Variants in CDH18 observed in about 807,000 individuals in gnomAD.
CDH18 encodes cadherin-18.
Under a neutral mutation model 67.9 loss-of-function variants are expected in CDH18, and 31 were observed. That is an observed-to-expected ratio of 0.46 (90% CI 0.34 to 0.62). The LOEUF (loss-of-function observed/expected upper bound fraction) is 0.62. Ranked by LOEUF, CDH18 falls within the 20% of genes least tolerant of loss-of-function variation. The pLI, the probability that CDH18 is intolerant of heterozygous loss-of-function variation, is 0.01. For synonymous variants in CDH18, 362 were observed against 347.2 expected (o/e 1.04, Z -0.48); for missense variants, 890 against 975.5 (o/e 0.91, Z 1.17).
intron 2 of CDH18, among the ~76,000 whole-genome samples, chr5:20,075,501 C>CAAAA (rs1743848390): frequency 6.7e-6 from 1 of 148,424 alleles, no homozygotes; most frequent in East Asian, 2.0e-4. Flanking sequence ...GACTCTGCCT[C>CAAAA]AAAACAAACA....
At chr5:20,021,219 T>C (rs956058720) in intron 2 of CDH18, among the ~76,000 whole-genome samples, 1 of 152,144 alleles carries the variant, frequency 6.6e-6, no homozygotes, top group African/African-American at 2.4e-5. Flanking sequence ...AAGTAACAAA[T>C]TTATTTTTAA....
chr5:20,163,215 A>C (rs1736031770), intron 2 of CDH18, among the ~76,000 whole-genome samples: 1 of 152,084 alleles, frequency 6.6e-6, no homozygotes. Flanking sequence ...TATTTCTATA[A>C]GCAACTCAAA....
At chr5:20,408,801 T>C (rs1258575150) in intron 1 of CDH18, among the ~76,000 whole-genome samples, 1 of 151,646 alleles carries the variant, frequency 6.6e-6, no homozygotes. Context: ...AACAGACCAA[T>C]AAATAACAAT....
At chr5:20,439,576 G>A (rs1749449467) in intron 1 of CDH18, among the ~76,000 whole-genome samples, 1 of 151,594 alleles carries the variant, frequency 6.6e-6, no homozygotes, top group South Asian at 2.1e-4. Context: ...TCATTAAATT[G>A]ATTTTATAAC....
At chr5:20,202,592 G>A (rs904735156) in intron 2 of CDH18, among the ~76,000 whole-genome samples, 21 of 152,024 alleles carry the variant, frequency 1.4e-4, no homozygotes, top group Admixed American at 1.2e-3. Context: ...GAAATAACAT[G>A]TTGCCCAAAT....
At chr5:20,444,113 T>C (rs1049281184) in intron 1 of CDH18, among the ~76,000 whole-genome samples, 2 of 151,974 alleles carry the variant, frequency 1.3e-5, no homozygotes, top group Admixed American at 1.3e-4. Flanking sequence ...CTAGGACTTA[T>C]AAAAGGGAAA....
intron 1 of CDH18, among the ~76,000 whole-genome samples, chr5:20,456,667 A>T (rs1750854485): frequency 6.6e-6 from 1 of 151,800 alleles, no homozygotes. Flanking sequence ...TATTTGAGAA[A>T]CTGGAAACAT....
intron 3 of CDH18, among the ~76,000 whole-genome samples, chr5:19,826,100 C>A (rs1483966361): frequency 6.7e-6 from 1 of 149,826 alleles, no homozygotes. Flanking sequence ...CAAGTATTAA[C>A]AGCAAAATTG....
At chr5:19,593,716 T>C (rs796791803) in intron 6 of CDH18, among the ~76,000 whole-genome samples, 163 of 15,804 alleles carry the variant, frequency 0.01, 5 homozygotes, top group East Asian at 0.1. Context: ...TCCTTCTTCT[T>C]CTTCTTCTTC....
chr5:20,295,619 C>T (rs183598144), intron 1 of CDH18, among the ~76,000 whole-genome samples: 5 of 151,532 alleles, frequency 3.3e-5, no homozygotes, highest in East Asian at 2.0e-4. Flanking sequence ...CCCGGCTACT[C>T]GGGAGGCTAA....
chr5:20,523,899 A>G (rs1467854488), intron 1 of CDH18, among the ~76,000 whole-genome samples: 1 of 152,162 alleles, frequency 6.6e-6, no homozygotes, highest in Non-Finnish European at 1.5e-5. Flanking sequence ...GCATTTGTAC[A>G]TGAGAAAGAG....
chr5:20,124,421 A>G (rs1435972), intron 2 of CDH18, among the ~76,000 whole-genome samples: 44,194 of 152,094 alleles, frequency 0.29, 7,727 homozygotes, highest in Admixed American at 0.38. Flanking sequence ...ACTCAGTTAC[A>G]TCTAATACAA....
At chr5:19,598,096 T>A (rs1045551200) in intron 6 of CDH18, among the ~76,000 whole-genome samples, 19 of 152,152 alleles carry the variant, frequency 1.2e-4, no homozygotes, top group African/African-American at 4.6e-4. Context: ...GCTACAGCTA[T>A]AAAAAAGGCC....
At chr5:19,772,554 G>T (rs964807332) in intron 3 of CDH18, among the ~76,000 whole-genome samples, 1 of 152,136 alleles carries the variant, frequency 6.6e-6, no homozygotes, top group Non-Finnish European at 1.5e-5. Flanking sequence ...AAGCAGCCCT[G>T]TCCACACCTT....
intron 4 of CDH18, among the ~76,000 whole-genome samples, chr5:19,730,900 T>G (rs1767506826): frequency 6.6e-6 from 1 of 152,210 alleles, no homozygotes; most frequent in Admixed American, 6.5e-5. Context: ...GTCTACTATA[T>G]ATTTTTTAGG....
In CDH18 at chr5:20,311,293, T is replaced by G. The variant is rs182394765; in HGVS notation, c.-579-55788A>C. On this transcript the variant is annotated intron_variant, in intron 1 of 14. Transcript: ENST00000507958. ...GCATTTGACCCAGCAATCCCATTAC[T>G]GGGTATATACCCAAAGGATTATAAA... Among the ~76,000 whole-genome samples, 21 of 152,204 alleles carry G rather than the reference T, an allele frequency of 1.4e-4. No individual in the cohort carries two copies. The East Asian group carries it at 4.1e-3, about 29-fold the overall frequency.
intron 1 of CDH18, among the ~76,000 whole-genome samples, chr5:20,354,820 TA>T (rs1741477051): frequency 6.6e-6 from 1 of 152,158 alleles, no homozygotes; most frequent in Non-Finnish European, 1.5e-5. Flanking sequence ...TCTGAGTTGG[TA>T]ACCATGACAA....
At chr5:19,906,724 A>C (rs1189052817) in intron 2 of CDH18, among the ~76,000 whole-genome samples, 1 of 151,990 alleles carries the variant, frequency 6.6e-6, no homozygotes, top group Non-Finnish European at 1.5e-5. Flanking sequence ...GTGCTATGTA[A>C]ACAGAAAATA....
intron 1 of CDH18, among the ~76,000 whole-genome samples, chr5:20,453,045 A>G (rs193085861): frequency 6.6e-6 from 1 of 152,284 alleles, no homozygotes; most frequent in Non-Finnish European, 1.5e-5. Context: ...ATTTGGTAAA[A>G]CCAGTTTTTA....
Sources: gnomAD v4.1 joint callset for allele counts (sites outside exome capture counted in the v4.1 genomes callset) on GRCh38, gnomAD v4.1.1 for gene constraint, MANE v1.5 for transcripts, NCBI Gene and HGNC (gene_info 2026-07-23, HGNC 2026-07-21) for gene names.